RABGAP1L: variants seen among roughly 807,000 people sequenced by gnomAD.
The protein encoded by RABGAP1L is rab GTPase-activating protein 1-like.
RABGAP1L carries 63 observed loss-of-function variants against 137.7 expected under a neutral mutation model. That is an observed-to-expected ratio of 0.46 (90% CI 0.37 to 0.56). RABGAP1L has a LOEUF of 0.56. RABGAP1L is among the 20% of genes least tolerant of loss of function. RABGAP1L has a pLI of 0.00. For missense variants in RABGAP1L, 1,095 were observed against 1,244.0 expected, an observed-to-expected ratio of 0.88 and a Z score of 1.80; for synonymous variants, 431 against 433.7, an observed-to-expected ratio of 0.99 and a Z score of 0.08.
chr1:174,453,771 A>G lies in RABGAP1L; in HGVS notation c.1710+59626A>G, dbSNP rs1655714325. On this transcript the variant is annotated intron_variant, in intron 13 of 25. Coordinates refer to ENST00000681986, the MANE Select transcript of RABGAP1L (RefSeq NM_001366446.1). ...AACAGTTCCTATTTTATGATTTCTC[A>G]TAAATGGAAGTTTGATTCAGTGCTA... Among the ~76,000 whole-genome samples the G allele has an allele frequency of 3.9e-5, 6 of 152,362 alleles. No homozygotes were observed. The South Asian group carries it at 1.2e-3, about 32-fold the overall frequency.
intron 13 of RABGAP1L, among the ~76,000 whole-genome samples, chr1:174,495,683 G>A (rs1164559484): frequency 6.6e-6 from 1 of 151,978 alleles, no homozygotes; most frequent in Non-Finnish European, 1.5e-5. Context: ...CTTTGCTATA[G>A]TTCTAGATTG....
intron 1 of RABGAP1L, among the ~76,000 whole-genome samples, chr1:174,196,184 C>G (rs1437349461): frequency 6.6e-6 from 1 of 150,572 alleles, no homozygotes; most frequent in Admixed American, 6.6e-5. Flanking sequence ...GATATGATCT[C>G]CATATTTTTC....
chr1:174,220,808 A>T (rs1669700217), intron 2 of RABGAP1L, 164 bp from the exon 3 acceptor site: 1 of 506,358 alleles, frequency 2.0e-6, no homozygotes, highest in Admixed American at 4.2e-5. Flanking sequence ...TTTTATAACC[A>T]GGATTTTAAT....
intron 18 of RABGAP1L, among the ~76,000 whole-genome samples, chr1:174,782,522 G>A (rs1687094902): frequency 6.6e-6 from 1 of 152,148 alleles, no homozygotes; most frequent in Non-Finnish European, 1.5e-5. Flanking sequence ...ACAGGGACCT[G>A]CTTTACTTAA....
At chr1:174,888,217 A>G (rs1655504699) in intron 19 of RABGAP1L, among the ~76,000 whole-genome samples, 2 of 152,204 alleles carry the variant, frequency 1.3e-5, no homozygotes, top group Non-Finnish European at 1.5e-5. Flanking sequence ...TGTGGTATCT[A>G]TAGGTGGCAA....
rs1657787622 is a variant in RABGAP1L, at chr1:174,470,461, G to T, written c.1710+76316G>T. ...AATCTCTGGCCTTCCTTGAATTCAG[G>T]GGCATTCTAAAATGCAGTGTTTTGG... On this transcript the variant is annotated intron_variant, in intron 13 of 25. Transcript: ENST00000681986. Among the ~76,000 whole-genome samples the T allele has an allele frequency of 2.0e-5, 3 of 152,002 alleles. No homozygotes were observed. The South Asian group carries it at 6.2e-4, about 31-fold the overall frequency.
intron 19 of RABGAP1L, among the ~76,000 whole-genome samples, chr1:174,858,014 TG>T (rs1386441921): frequency 2.0e-5 from 3 of 152,148 alleles, no homozygotes; most frequent in African/African-American, 7.2e-5. Flanking sequence ...ATTGTTTTAT[TG>T]TTTAATTATT....
Position 174,978,889 on chromosome 1 carries a change from A to C in RABGAP1L, c.2732A>C (p.Gln911Pro). The C allele has an allele frequency of 6.6e-7, 1 of 1,522,852 alleles. No homozygotes were observed. Among genetic ancestry groups the C allele is most frequent in the South Asian group, 1.3e-5 (1 of 78,640 alleles). The allele number at this position is 1,522,852 out of a possible 1,614,324, so 94.3% of individuals were successfully genotyped here. ...ACAGCTATCATTGCTGAGTATAAAC[A>C]GGTAATGTACTTCTGTGGCACATAG... ...KTTAIIAEYK[Q>P]ICSQLSTRLE... Residue 911 changes from glutamine (Q) to proline (P), a missense_variant and splice_region_variant, in exon 23 of 26, where the codon CAG (glutamine) becomes CCG (proline). Physicochemically the swap from Gln to Pro is moderately conservative, Grantham distance 76 (BLOSUM62 -1). Transcript: ENST00000681986.
At chr1:174,728,594 CTTT>C (rs1294397296) in intron 17 of RABGAP1L, among the ~76,000 whole-genome samples, 2 of 114,636 alleles carry the variant, frequency 1.7e-5, no homozygotes, top group African/African-American at 3.3e-5. Flanking sequence ...CTACCAGTGT[CTTT>C]TTTTTTTTTT....
intron 11 of RABGAP1L, among the ~76,000 whole-genome samples, chr1:174,359,237 C>A (rs1037062697): frequency 1.3e-5 from 2 of 151,970 alleles, no homozygotes; most frequent in Non-Finnish European, 2.9e-5. Flanking sequence ...CTTTGGTCTC[C>A]AGTGTCTTTT....
chr1:174,799,203 CT>C (rs1258785184), intron 18 of RABGAP1L, among the ~76,000 whole-genome samples: 13 of 152,140 alleles, frequency 8.5e-5, no homozygotes, highest in African/African-American at 2.9e-4. Context: ...TTACAAAAAT[CT>C]TCCTTTTAAT....
chr1:174,622,370 C>T (rs930540840), intron 13 of RABGAP1L, among the ~76,000 whole-genome samples: 11 of 152,130 alleles, frequency 7.2e-5, no homozygotes, highest in Non-Finnish European at 2.9e-5. Flanking sequence ...ACCCAAAGGA[C>T]TATAAATCAT....
At chr1:174,362,231 T>G (rs1247310685) in intron 11 of RABGAP1L, among the ~76,000 whole-genome samples, 1 of 152,188 alleles carries the variant, frequency 6.6e-6, no homozygotes, top group Non-Finnish European at 1.5e-5. Flanking sequence ...GTGAATCGTT[T>G]TGCAGTGAAC....
rs553604102 is a variant in RABGAP1L at position 174,200,804 on chromosome 1, T to A, written c.-33-18321T>A. On this transcript the variant is annotated intron_variant, in intron 1 of 25. Transcript: ENST00000681986. ...ATACAATTTTAGCTATGTTCTCTTG[T>A]CCCTGCTGGTATTTTGCATTTATAT... Among the ~76,000 whole-genome samples the A allele has an allele frequency of 1.2e-4, 18 of 152,348 alleles. No individual in the cohort carries two copies. In the South Asian group the frequency reaches 3.7e-3, roughly 32 times the overall value.
chr1:174,783,707 C>CTTTTTTTTTTTTTTTTTTTTTTTTTTTT (rs34367315), intron 18 of RABGAP1L, among the ~76,000 whole-genome samples: 3 of 102,468 alleles, frequency 2.9e-5, no homozygotes, highest in Non-Finnish European at 3.8e-5. Context: ...TCTTCTTCTT[C>CTTTTTTTTTTTTTTTTTTTTTTTTTTTT]TTTTTTTTTT....
intron 19 of RABGAP1L, among the ~76,000 whole-genome samples, chr1:174,863,233 C>CCAAAAAAA (rs1650552041): frequency 1.2e-5 from 1 of 82,636 alleles, no homozygotes; most frequent in Non-Finnish European, 2.2e-5. Context: ...TTGTTTGTAG[C>CCAAAAAAA]AAAAAAAAAA....
At chr1:174,711,199 C>A (rs778994855) in intron 17 of RABGAP1L, among the ~76,000 whole-genome samples, 1 of 152,134 alleles carries the variant, frequency 6.6e-6, no homozygotes, top group Non-Finnish European at 1.5e-5. Context: ...TGTACAGCCC[C>A]GGTTCCCACC....
intron 13 of RABGAP1L, among the ~76,000 whole-genome samples, chr1:174,561,247 C>T (rs1667192160): frequency 6.6e-6 from 1 of 152,162 alleles, no homozygotes; most frequent in Non-Finnish European, 1.5e-5. Flanking sequence ...CATGAGTGAA[C>T]TCCCATTCAC....
At chr1:174,902,193 T>C (rs1399108765) in intron 19 of RABGAP1L, among the ~76,000 whole-genome samples, 2 of 152,230 alleles carry the variant, frequency 1.3e-5, no homozygotes. Context: ...AGAAGCAGTC[T>C]GGCTGCTTTT....
Sources: gnomAD v4.1 joint callset for allele counts (sites outside exome capture counted in the v4.1 genomes callset) on GRCh38, gnomAD v4.1.1 for gene constraint, MANE v1.5 for transcripts, NCBI Gene and HGNC (gene_info 2026-07-23, HGNC 2026-07-21) for gene names.